The following JPH3 variants were observed in gnomAD, a reference collection of about 807,000 sequenced individuals.
JPH3 encodes the protein junctophilin-3.
JPH3 carries 11 observed loss-of-function variants against 59.6 expected under a neutral mutation model. The ratio of observed to expected loss-of-function variants is 0.18; its 90% confidence interval spans 0.12 to 0.31. The LOEUF (loss-of-function observed/expected upper bound fraction) is 0.31. JPH3 is among the 10% of genes least tolerant of loss of function. The pLI, the probability that JPH3 is intolerant of heterozygous loss-of-function variation, is 1.00. For missense variants in JPH3, 1,202 were observed against 1,105.7 expected (o/e 1.09, Z -1.24); for synonymous variants, 673 against 483.6 (o/e 1.39, Z -5.14).
intron 3 of JPH3, among the ~76,000 whole-genome samples, chr16:87,687,113 G>T (rs1041503584): frequency 2.6e-5 from 4 of 152,184 alleles, no homozygotes; most frequent in African/African-American, 9.6e-5. Flanking sequence ...TTCCGCCTTG[G>T]ATGCATTCAG....
intron 2 of JPH3, among the ~76,000 whole-genome samples, chr16:87,656,819 C>T (rs2032517937): frequency 1.3e-5 from 2 of 152,144 alleles, no homozygotes; most frequent in Non-Finnish European, 2.9e-5. Context: ...GGCAGAAATG[C>T]ATTTTCTCCC....
chr16:87,695,062 T>C (rs1186097360), intron 4 of JPH3: 1 of 341,762 alleles, frequency 2.9e-6, no homozygotes, highest in East Asian at 7.7e-5. Flanking sequence ...CTCTTAGATT[T>C]AGGCCTGGGA....
chr16:87,659,711 C>T (rs2032639662), intron 2 of JPH3, among the ~76,000 whole-genome samples: 2 of 151,042 alleles, frequency 1.3e-5, no homozygotes, highest in African/African-American at 2.4e-5. Context: ...CCAGCCTGGG[C>T]AACAAAGCAA....
Position 87,690,207 on chromosome 16 carries a change from A to T in JPH3, c.1847A>T (p.Lys616Ile). 6.2e-7 allele frequency: 1 copy of T among 1,603,382 alleles called. No individual in the cohort carries two copies. Among genetic ancestry groups the T allele is most frequent in the Non-Finnish European group, 8.5e-7 (1 of 1,175,544 alleles). The change falls in exon 4 of 5, where the codon AAA becomes ATA. Residue 616 changes from lysine (K) to isoleucine (I), a missense_variant. Transcript: ENST00000284262. ...EKLSNYRMEM[K>I]PLLRMETHPQ... is the part of the protein sequence containing the mutation. Reference sequence around the variant, plus strand: ...CTGAGCAACTACCGGATGGAGATGAAACCCTTGCTGAGGATGGAGACGCAT... The same window carrying T: ...CTGAGCAACTACCGGATGGAGATGATACCCTTGCTGAGGATGGAGACGCAT...
chr16:87,667,197 G>T lies in JPH3; in HGVS notation c.1161-16945G>T, dbSNP rs1420705717. ...CCTTCTCTGTCTCTTAGCTCCCTCTGCCCCGTCCTGAGCACAGCTGTGATT... is the reference window on the plus strand; with the variant it reads ...CCTTCTCTGTCTCTTAGCTCCCTCTTCCCCGTCCTGAGCACAGCTGTGATT... On this transcript the variant is annotated intron_variant, in intron 2 of 4. Coordinates refer to ENST00000284262, the MANE Select transcript of JPH3 (RefSeq NM_020655.4). Among the ~76,000 whole-genome samples, 5 of 152,182 alleles carry T rather than the reference G, an allele frequency of 3.3e-5. No individual in the cohort carries two copies. The East Asian group carries it at 5.8e-4, about 18-fold the overall frequency.
At chr16:87,642,635 G>A (rs1452685834) in intron 1 of JPH3, among the ~76,000 whole-genome samples, 1 of 152,248 alleles carries the variant, frequency 6.6e-6, no homozygotes, top group Admixed American at 6.5e-5. Flanking sequence ...CCTTTCCAGG[G>A]TGGCACATCC....
chr16:87,604,283 G>GCTAC, intron 1 of JPH3: 1 of 1,278,452 alleles, frequency 7.8e-7, no homozygotes, highest in Non-Finnish European at 1.0e-6. Context: ...AAGCCAGGGA[G>GCTAC]CTGCCTGCTG....
intron 1 of JPH3, among the ~76,000 whole-genome samples, chr16:87,610,899 T>G (rs568354119): frequency 1.2e-4 from 19 of 152,350 alleles, no homozygotes; most frequent in African/African-American, 4.6e-4. Flanking sequence ...ATGAGTACCC[T>G]CCAGTCTGCT....
At chr16:87,623,157 G>A (rs1024842652) in intron 1 of JPH3, among the ~76,000 whole-genome samples, 48 of 152,322 alleles carry the variant, frequency 3.2e-4, no homozygotes, top group African/African-American at 1.1e-3. Flanking sequence ...TTCCAGCGTG[G>A]GCCAAGCTCT....
At chr16:87,613,099 T>C (rs373552632) in intron 1 of JPH3, among the ~76,000 whole-genome samples, 40,335 of 136,862 alleles carry the variant, frequency 0.29, 5,170 homozygotes, top group Non-Finnish European at 0.34. Context: ...CTTTCTCTTT[T>C]TTTTTTTTTT....
Position 87,690,436 on chromosome 16 carries a change from T to G in JPH3, c.2076T>G (p.Arg692=), listed in dbSNP as rs1347075804. The change falls in exon 4 of 5, where the codon CGT becomes CGG. Residue 692 remains arginine (R), a synonymous_variant. Coordinates refer to ENST00000284262, the MANE Select transcript of JPH3 (RefSeq NM_020655.4). ...RLGGAEPRLL[R]WDLTFSPPQK... ...GCGGGGCCGAGCCCCGGTTGCTGCG[T>G]TGGGACTTGACCTTCTCCCCGCCCC... The G allele has an allele frequency of 6.7e-7, 1 of 1,495,344 alleles. No individual in the cohort carries two copies. Among genetic ancestry groups the G allele is most frequent in the African/African-American group, 1.4e-5 (1 of 70,946 alleles). The allele number at this position is 1,495,344 out of a possible 1,614,324, so 92.6% of individuals were successfully genotyped here.
intron 2 of JPH3, among the ~76,000 whole-genome samples, chr16:87,652,980 C>T (rs1456112616): frequency 6.6e-6 from 1 of 152,096 alleles, no homozygotes; most frequent in Non-Finnish European, 1.5e-5. Flanking sequence ...GACTGTCCTG[C>T]GGGCATAGCA....
chr16:87,690,647 T>C (rs2033545166), intron 4 of JPH3, 121 bp downstream of exon 4: 2 of 1,110,664 alleles, frequency 1.8e-6, no homozygotes, highest in South Asian at 2.7e-5. Flanking sequence ...AGGGGTGGAG[T>C]AGGGTGGGGG....
rs1185121100 is a variant in JPH3 at position 87,644,685 on chromosome 16, G to C, written c.810G>C (p.Glu270Asp). The C allele has an allele frequency of 6.2e-7, 1 of 1,611,920 alleles. No homozygotes were observed. The highest frequency in any genetic ancestry group is 2.2e-5 in the East Asian group (1 of 44,846). ...IHSTISLGEA[E>D]AELAVIEDDI... ...CCACCATCAGCCTGGGCGAGGCTGAGGCCGAGCTGGCGGTCATCGAGGACG... is the reference window on the plus strand; with the variant it reads ...CCACCATCAGCCTGGGCGAGGCTGACGCCGAGCTGGCGGTCATCGAGGACG... The change falls in exon 2 of 5, where the codon GAG (glutamate) becomes GAC (aspartate). Residue 270 changes from glutamate to aspartate, a missense_variant. Transcript: ENST00000284262.
At chr16:87,646,176 G>C (rs2032144118) in intron 2 of JPH3, among the ~76,000 whole-genome samples, 1 of 152,354 alleles carries the variant, frequency 6.6e-6, no homozygotes, top group African/African-American at 2.4e-5. Context: ...CCCAGCCTGG[G>C]TGCGGCTCAG....
intron 1 of JPH3, among the ~76,000 whole-genome samples, chr16:87,610,175 G>A (rs1253002629): frequency 1.3e-5 from 2 of 152,338 alleles, no homozygotes; most frequent in East Asian, 1.9e-4. Flanking sequence ...TAATGCAAGC[G>A]TTGGAGAGCG....
intron 2 of JPH3, among the ~76,000 whole-genome samples, chr16:87,660,765 G>A (rs144740411): frequency 4.7e-4 from 72 of 152,274 alleles, no homozygotes; most frequent in African/African-American, 1.7e-3. Context: ...TCTGTAGGAG[G>A]GGGCACCTCC....
chr16:87,672,235 C>T (rs559326431), intron 2 of JPH3, among the ~76,000 whole-genome samples: 8 of 152,240 alleles, frequency 5.3e-5, no homozygotes, highest in South Asian at 4.1e-4. Context: ...GAAGAGACTC[C>T]GTTTCTAACA....
intron 1 of JPH3, among the ~76,000 whole-genome samples, chr16:87,615,550 A>G (rs867976993): frequency 6.6e-6 from 1 of 151,986 alleles, no homozygotes; most frequent in Non-Finnish European, 1.5e-5. Flanking sequence ...TGGCTCCCCC[A>G]TTTTCCAGAT....
Sources: gnomAD v4.1 joint callset for allele counts (sites outside exome capture counted in the v4.1 genomes callset) on GRCh38, gnomAD v4.1.1 for gene constraint, MANE v1.5 for transcripts, NCBI Gene and HGNC (gene_info 2026-07-23, HGNC 2026-07-21) for gene names.